COQ6: variants seen among roughly 807,000 people sequenced by gnomAD.
The protein encoded by COQ6 is ubiquinone biosynthesis monooxygenase COQ6, mitochondrial.
COQ6 carries 45 observed loss-of-function variants against 55.5 expected under a neutral mutation model. That is an observed-to-expected ratio of 0.81 (90% CI 0.64 to 1.04). The LOEUF is 1.04. Ranked by LOEUF, COQ6 falls within the 50% of genes least tolerant of loss-of-function variation. The probability of loss-of-function intolerance (pLI) is 0.00; values close to 1 mark genes in which losing one functional copy is unlikely to be tolerated. For missense variants in COQ6, 550 were observed against 601.3 expected, an observed-to-expected ratio of 0.91 and a Z score of 0.89; for synonymous variants, 206 against 230.5, an observed-to-expected ratio of 0.89 and a Z score of 0.96.
rs1355230476 is a variant in COQ6 at position 73,961,541 on chromosome 14, G to C, written c.1181G>C (p.Ser394Thr). 1 of 1,614,182 alleles carries C rather than the reference G, an allele frequency of 6.2e-7. No homozygotes were observed. Residue 394 changes from serine (S) to threonine (T), a missense_variant, in exon 10 of 12, where the codon AGT (serine) becomes ACT (threonine). Physicochemically the swap from Ser to Thr is moderately conservative, Grantham distance 58. Coordinates refer to ENST00000334571, the MANE Select transcript of COQ6 (RefSeq NM_182476.3). Reference protein sequence around the residue: ...GDISSLAHHLSTAAFNGKDLG... With the variant: ...GDISSLAHHLTTAAFNGKDLG... ...ATCTCCAGCTTGGCCCATCACCTCAGTACGGCAGCCTTCAATGGGAAGGAC... is the reference window on the plus strand; with the variant it reads ...ATCTCCAGCTTGGCCCATCACCTCACTACGGCAGCCTTCAATGGGAAGGAC...
In COQ6 at chr14:73,955,873, C is replaced by T. The variant is rs764217594; in HGVS notation, c.426C>T (p.Ile142=). 52 of 1,613,936 alleles carry T rather than the reference C, an allele frequency of 3.2e-5. No individual in the cohort carries two copies. The highest frequency in any genetic ancestry group is 1.9e-4 in the South Asian group (17 of 91,090). ...DKDNLDDMGY[I]VENDVIMHAL... is the part of the protein sequence containing the mutation. Reference sequence around the variant, plus strand: ...ATAATTTAGATGACATGGGCTATATCGTGGAGAATGATGTCATCATGCATG... The same window carrying T: ...ATAATTTAGATGACATGGGCTATATTGTGGAGAATGATGTCATCATGCATG... The change falls in exon 4 of 12, where the codon ATC becomes ATT. Residue 142 remains isoleucine, a synonymous_variant. Transcript: ENST00000334571.
At chr14:73,961,105 T>C (rs1386351530) in intron 8 of COQ6, 68 bp from the exon 9 acceptor site, 3 of 1,534,696 alleles carry the variant, frequency 2.0e-6, no homozygotes, top group Middle Eastern at 3.5e-4. Context: ...ACAAGGTTTC[T>C]TTATTGAATT....
upstream of COQ6, chr14:73,950,145 G>C (rs1389896045): frequency 1.9e-6 from 3 of 1,594,718 alleles, no homozygotes; most frequent in South Asian, 3.3e-5. Flanking sequence ...TTGGCTTCCA[G>C]GGCAGCCTCC....
rs1384864920 is a variant in COQ6 at position 73,950,491 on chromosome 14, C to T, written c.159C>T (p.Ala53=). The change falls in exon 1 of 12, where the codon GCC becomes GCT. Residue 53 remains alanine, a synonymous_variant. Coordinates refer to ENST00000334571, the MANE Select transcript of COQ6 (RefSeq NM_182476.3). The part of the protein sequence containing the change: ...GGLVGAAMAC[A]LGYDIHFHDK... ...TGGTGGGCGCTGCCATGGCCTGTGCCTTGGGTAAGCCCTTCTCCAGGCTAC... is the reference window on the plus strand; with the variant it reads ...TGGTGGGCGCTGCCATGGCCTGTGCTTTGGGTAAGCCCTTCTCCAGGCTAC... The T allele has an allele frequency of 1.2e-6, 2 of 1,606,028 alleles. No homozygotes were observed. The highest frequency in any genetic ancestry group is 1.7e-6 in the Non-Finnish European group (2 of 1,177,060).
rs1161349009 is a variant in COQ6 at position 73,959,491 on chromosome 14, A to G, written c.860A>G (p.Glu287Gly). 6.2e-7 allele frequency: 1 copy of G among 1,614,168 alleles called. No individual in the cohort carries two copies. Among genetic ancestry groups the G allele is most frequent in the Non-Finnish European group, 8.5e-7 (1 of 1,180,032 alleles). ...HAAELVSMDE[E>G]KFVDAVNSAF... Reference sequence around the variant, plus strand: ...GCAGAGCTAGTTAGCATGGATGAGGAAAAATTTGTGGATGCCGTTAACTCT... The same window carrying G: ...GCAGAGCTAGTTAGCATGGATGAGGGAAAATTTGTGGATGCCGTTAACTCT... Residue 287 changes from glutamate to glycine, a missense_variant, in exon 8 of 12, where the codon GAA becomes GGA. Coordinates refer to ENST00000334571, the MANE Select transcript of COQ6 (RefSeq NM_182476.3).
intron 7 of COQ6, 45 bp downstream of exon 7, chr14:73,959,269 T>C (rs2056590788): frequency 1.2e-6 from 2 of 1,614,100 alleles, no homozygotes; most frequent in Middle Eastern, 1.6e-4. Context: ...ATGCAAGCCT[T>C]TCCTCTTCAC....
At chr14:73,957,100 TA>T (rs200787774) in intron 4 of COQ6, among the ~76,000 whole-genome samples, 24 of 122,412 alleles carry the variant, frequency 2.0e-4, no homozygotes, top group East Asian at 1.6e-3. Context: ...TTATTATTAT[TA>T]TTTTTTTTTT....
chr14:73,958,536 A>C, intron 5 of COQ6: 1 of 1,324,074 alleles, frequency 7.6e-7, no homozygotes, highest in South Asian at 1.5e-5. Flanking sequence ...GAGTGTTGGG[A>C]ATGGAGGCTG....
intron 10 of COQ6, 64 bp downstream of exon 10, chr14:73,961,634 A>T: frequency 1.9e-6 from 3 of 1,603,702 alleles, no homozygotes; most frequent in Non-Finnish European, 2.6e-6. Context: ...ATCAGGGCCC[A>T]CAGTAGCAAG....
At position 73,961,798 on chromosome 14, in the gene COQ6, G is replaced by T; in HGVS notation, c.1272G>T (p.Leu424=). 1 of 1,614,144 alleles carries T rather than the reference G, an allele frequency of 6.2e-7. No homozygotes were observed. Among genetic ancestry groups the T allele is most frequent in the East Asian group, 2.2e-5 (1 of 44,878 alleles). Residue 424 remains leucine, a synonymous_variant, in exon 11 of 12, where the codon CTG becomes CTT. Transcript: ENST00000334571. ...TERQRHNTAL[L]AATDLLKRLY... is the part of the protein sequence containing the mutation. ...GACAGCGTCACAACACTGCTCTTCT[G>T]GCTGCTACAGACTTACTAAAAAGGC...
chr14:73,957,724 C>A (rs1566687165), intron 4 of COQ6, among the ~76,000 whole-genome samples: 1 of 152,138 alleles, frequency 6.6e-6, no homozygotes, highest in Non-Finnish European at 1.5e-5. Context: ...GCCACCCGTG[C>A]CTGGCCATAG....
chr14:73,954,435 TGAAAAA>T (rs1182092055), intron 2 of COQ6, among the ~76,000 whole-genome samples: 2 of 151,878 alleles, frequency 1.3e-5, no homozygotes, highest in African/African-American at 4.9e-5. Flanking sequence ...CCTTGTATCT[TGAAAAA>T]GAAAAAACAA....
At position 73,959,450 on chromosome 14, in the gene COQ6, G is replaced by A. The variant is rs191703506; in HGVS notation, c.819G>A (p.Thr273=). The A allele has an allele frequency of 1.6e-5, 26 of 1,614,192 alleles. No individual in the cohort carries two copies. In the Admixed American group the frequency reaches 3.0e-4, roughly 19 times the overall value. ...SDTLSSLVWS[T]SHEHAAELVS... ...CCTTGAGTTCCTTGGTTTGGTCCACGTCCCATGAACATGCAGCAGAGCTAG... is the reference window on the plus strand; with the variant it reads ...CCTTGAGTTCCTTGGTTTGGTCCACATCCCATGAACATGCAGCAGAGCTAG... Residue 273 remains threonine, a synonymous_variant, in exon 8 of 12, where the codon ACG becomes ACA. Transcript: ENST00000334571.
chr14:73,961,170 C>G lies in COQ6; in HGVS notation c.892-3C>G, dbSNP rs1344377969. The G allele has an allele frequency of 1.2e-6, 2 of 1,613,070 alleles. No individual in the cohort carries two copies. Among genetic ancestry groups the G allele is most frequent in the Non-Finnish European group, 1.7e-6 (2 of 1,179,724 alleles). On this transcript the variant is annotated splice_polypyrimidine_tract_variant and splice_region_variant and intron_variant, in intron 8 of 11. Transcript: ENST00000334571. Reference sequence around the variant, plus strand: ...TGTTTGTCTTGTGGCTGATGCTGCTCAGTGGAGTGATGCTGACCACACGGA... The same window carrying G: ...TGTTTGTCTTGTGGCTGATGCTGCTGAGTGGAGTGATGCTGACCACACGGA...
chr14:73,960,058 G>A, intron 8 of COQ6: 1 of 1,003,736 alleles, frequency 1.0e-6, no homozygotes, highest in Non-Finnish European at 1.2e-6. Context: ...AGCTGCCTGG[G>A]TGGTGGTTAG....
At chr14:73,955,758 A>T in intron 3 of COQ6, 47 bp from the exon 4 acceptor site, 1 of 1,613,852 alleles carries the variant, frequency 6.2e-7, no homozygotes, top group East Asian at 2.2e-5. Context: ...GATTGGAGTG[A>T]TGTTTCCCTC....
At chr14:73,955,177 T>C (rs868115501) in intron 2 of COQ6, among the ~76,000 whole-genome samples, 3 of 152,004 alleles carry the variant, frequency 2.0e-5, no homozygotes, top group Middle Eastern at 3.4e-3. Flanking sequence ...ATGGTCTCTA[T>C]CTCCTGATCT....
intron 5 of COQ6, 195 bp from the exon 6 acceptor site, chr14:73,958,776 C>T: frequency 6.7e-7 from 1 of 1,490,928 alleles, no homozygotes; most frequent in Middle Eastern, 2.4e-4. Context: ...TCATGTCCAG[C>T]TTTGGCTCTG....
intron 8 of COQ6, 40 bp from the exon 9 acceptor site, chr14:73,961,133 C>T: frequency 6.2e-7 from 1 of 1,600,936 alleles, no homozygotes; most frequent in Non-Finnish European, 8.5e-7. Flanking sequence ...CCCTGCTACT[C>T]ACATTTCACC....
Sources: allele counts gnomAD v4.1 joint callset (sites outside exome capture counted in the v4.1 genomes callset), GRCh38; gene constraint gnomAD v4.1.1; transcripts MANE v1.5; gene names NCBI Gene and HGNC (gene_info 2026-07-23, HGNC 2026-07-21).